TYW1B: variants seen among roughly 807,000 people sequenced by gnomAD.
The protein encoded by TYW1B is tRNA-yW synthesizing protein 1 homolog B, also known as S-adenosyl-L-methionine-dependent tRNA 4-demethylwyosine synthase TYW1B.
A neutral mutation model predicts 86.9 loss-of-function variants in TYW1B; 73 were observed. The observed-to-expected ratio is 0.84, with a 90% CI of 0.70 to 1.02. The LOEUF (loss-of-function observed/expected upper bound fraction) is 1.02, where lower values mean the gene tolerates loss of function less well. TYW1B is among the 50% of genes least tolerant of loss of function. The pLI is 0.00. For missense variants in TYW1B, 637 were observed against 827.4 expected (o/e 0.77, Z 2.82); for synonymous variants, 248 against 292.8 (o/e 0.85, Z 1.56).
intron 11 of TYW1B, among the ~76,000 whole-genome samples, chr7:72,661,646 G>A (rs1195273768): frequency 6.7e-6 from 1 of 149,490 alleles, no homozygotes; most frequent in Non-Finnish European, 1.5e-5. Flanking sequence ...ATATTTAGAA[G>A]GGTTTTCACT....
intron 10 of TYW1B, among the ~76,000 whole-genome samples, chr7:72,709,385 G>A (rs1278590472): frequency 4.6e-5 from 7 of 152,288 alleles, no homozygotes; most frequent in South Asian, 2.1e-4. Flanking sequence ...ATCCAAAAGC[G>A]TGGCCGAGCG....
At chr7:72,709,494 CT>C (rs66856166) in intron 10 of TYW1B, among the ~76,000 whole-genome samples, 8,881 of 150,960 alleles carry the variant, frequency 0.059, 557 homozygotes, top group East Asian at 0.33. Context: ...GGTGAAACCC[CT>C]GTCTCTACTA....
intron 12 of TYW1B, among the ~76,000 whole-genome samples, chr7:72,619,212 T>C (rs1554437477): frequency 6.6e-6 from 1 of 152,154 alleles, no homozygotes; most frequent in Non-Finnish European, 1.5e-5. Context: ...CGACTTGCAA[T>C]AAAAAAGCTT....
At chr7:72,620,871 C>A (rs1351291108) in intron 12 of TYW1B, among the ~76,000 whole-genome samples, 1 of 152,192 alleles carries the variant, frequency 6.6e-6, no homozygotes, top group Admixed American at 6.5e-5. Context: ...CCAAGTCACT[C>A]ACATCAGAAT....
At chr7:72,635,719 T>C (rs564329784) in intron 11 of TYW1B, among the ~76,000 whole-genome samples, 2 of 152,344 alleles carry the variant, frequency 1.3e-5, no homozygotes, top group Admixed American at 6.5e-5. Flanking sequence ...CTGCCTGATA[T>C]GGCATTGAAT....
At chr7:72,782,449 A>G (rs541265974) in intron 6 of TYW1B, among the ~76,000 whole-genome samples, 39 of 149,390 alleles carry the variant, frequency 2.6e-4, no homozygotes, top group Non-Finnish European at 5.0e-4. Context: ...ACAGTCGGAA[A>G]CTGATAAACA....
intron 11 of TYW1B, among the ~76,000 whole-genome samples, chr7:72,690,213 T>G (rs1261289633): frequency 6.6e-6 from 1 of 152,240 alleles, no homozygotes; most frequent in African/African-American, 2.4e-5. Flanking sequence ...ATAATCATAG[T>G]TCAGCAGAAA....
intron 13 of TYW1B, among the ~76,000 whole-genome samples, chr7:72,580,315 C>T (rs1278198684): frequency 3.3e-5 from 5 of 152,130 alleles, no homozygotes; most frequent in Non-Finnish European, 4.4e-5. Context: ...ACACAAACAG[C>T]GCTGAGAGAC....
intron 13 of TYW1B, among the ~76,000 whole-genome samples, chr7:72,577,293 G>A (rs1291982841): frequency 3.9e-5 from 6 of 151,970 alleles, no homozygotes; most frequent in Admixed American, 3.9e-4. Flanking sequence ...CTAGCTAAGA[G>A]CTTTCTAGGG....
At position 72,828,134 on chromosome 7, in the gene TYW1B, C is replaced by G. The variant is rs7791253; in HGVS notation, c.-59G>C. On this transcript the variant is annotated 5_prime_UTR_variant, in exon 1 of 14. Coordinates refer to ENST00000620995, the MANE Select transcript of TYW1B (RefSeq NM_001145440.3). ...GACCTGGAGAGCCCAAAGGTTCGCA[C>G]TGGTACTGCGAGACGCACCGAGCTA... The G allele has an allele frequency of 8.1e-6, 13 of 1,610,036 alleles. No individual in the cohort carries two copies. The highest frequency in any genetic ancestry group is 1.7e-5 in the Admixed American group (1 of 59,214).
At chr7:72,645,980 CATATGTT>C (rs1554442026) in intron 11 of TYW1B, among the ~76,000 whole-genome samples, 1 of 148,006 alleles carries the variant, frequency 6.8e-6, no homozygotes, top group Non-Finnish European at 1.5e-5. Context: ...ATATATATTA[CATATGTT>C]ATATGTTATA....
chr7:72,744,335 T>C (rs1258366718), intron 8 of TYW1B, 149 bp downstream of exon 8: 11 of 761,344 alleles, frequency 1.4e-5, no homozygotes, highest in Non-Finnish European at 2.1e-5. Flanking sequence ...AATATTTGTC[T>C]ACAAAATTTT....
intron 12 of TYW1B, among the ~76,000 whole-genome samples, chr7:72,622,329 T>G (rs1304970198): frequency 6.6e-6 from 1 of 152,256 alleles, no homozygotes; most frequent in African/African-American, 2.4e-5. Flanking sequence ...CAGTAGCCTC[T>G]ATTGATTTCG....
intron 13 of TYW1B, among the ~76,000 whole-genome samples, chr7:72,596,101 G>A (rs761858211): frequency 1.3e-5 from 2 of 149,032 alleles, no homozygotes; most frequent in Non-Finnish European, 3.0e-5. Context: ...ACTTGAACCC[G>A]GGAGGCAGAG....
At chr7:72,629,596 G>T (rs1207292972) in intron 11 of TYW1B, among the ~76,000 whole-genome samples, 1 of 151,932 alleles carries the variant, frequency 6.6e-6, no homozygotes, top group Non-Finnish European at 1.5e-5. Context: ...GTCCAGGCTG[G>T]AGTGCAGTGG....
At chr7:72,785,754 A>G (rs1479517295) in intron 6 of TYW1B, among the ~76,000 whole-genome samples, 2 of 152,154 alleles carry the variant, frequency 1.3e-5, no homozygotes, top group African/African-American at 4.8e-5. Context: ...AGGCAATTTC[A>G]TGTGGTGTGT....
Position 72,613,082 on chromosome 7 carries a change from G to C in TYW1B, c.1785+3590C>G, listed in dbSNP as rs1257668432. Reference sequence around the variant, plus strand: ...CATTTCTATTAAAAGAAAGGGAAGGGGGGAACTGTATTCTTTTGAAATAGC... The same window carrying C: ...CATTTCTATTAAAAGAAAGGGAAGGCGGGAACTGTATTCTTTTGAAATAGC... On this transcript the variant is annotated intron_variant, in intron 13 of 13. Coordinates refer to ENST00000620995, the MANE Select transcript of TYW1B (RefSeq NM_001145440.3). Among the ~76,000 whole-genome samples, 4 of 152,174 alleles carry C rather than the reference G, an allele frequency of 2.6e-5. No homozygotes were observed. The East Asian group carries it at 7.7e-4, about 29-fold the overall frequency.
Position 72,670,334 on chromosome 7 carries a change from G to T in TYW1B, c.1506+24353C>A, listed in dbSNP as rs182671838. ...AGCCTCCCGAGTAGCTGGGATTACA[G>T]GCGCCTACCACCACGCCCAACTAAT... On this transcript the variant is annotated intron_variant, in intron 11 of 13. Coordinates refer to ENST00000620995, the MANE Select transcript of TYW1B (RefSeq NM_001145440.3). 5.9e-3 allele frequency among the ~76,000 whole-genome samples: 905 copies of T among 152,256 alleles called. 11 individuals are homozygous for T. Among genetic ancestry groups the T allele is most frequent in the African/African-American group, 0.021 (859 of 41,542 alleles).
At position 72,752,608 on chromosome 7, in the gene TYW1B, G is replaced by C. The variant is rs140270927; in HGVS notation, c.965-8007C>G. ...TAGCCGGGCATGGTGGCAGGAGCGT[G>C]TAATCCCAGCTACTCGGGAGGCTGA... On this transcript the variant is annotated intron_variant, in intron 7 of 13. Coordinates refer to ENST00000620995, the MANE Select transcript of TYW1B (RefSeq NM_001145440.3). 2.0e-3 allele frequency among the ~76,000 whole-genome samples: 298 copies of C among 152,202 alleles called. 2 individuals carry two copies. The highest frequency in any genetic ancestry group is 6.9e-3 in the African/African-American group (286 of 41,546).
Sources: gnomAD v4.1 joint callset for allele counts (sites outside exome capture counted in the v4.1 genomes callset) on GRCh38, gnomAD v4.1.1 for gene constraint, MANE v1.5 for transcripts, NCBI Gene and HGNC (gene_info 2026-07-23, HGNC 2026-07-21) for gene names.